The following ITGA9 variants were observed in gnomAD, a reference collection of about 807,000 sequenced individuals.
The protein encoded by ITGA9 is integrin subunit alpha 9.
ITGA9 carries 56 observed loss-of-function variants against 127.8 expected under a neutral mutation model. That is an observed-to-expected ratio of 0.44 (90% CI 0.35 to 0.55). ITGA9 has a LOEUF of 0.55. ITGA9 is among the 20% of genes least tolerant of loss of function. The pLI is 0.00. For missense variants in ITGA9, 1,196 were observed against 1,347.1 expected (o/e 0.89, Z 1.76); for synonymous variants, 508 against 514.5 (o/e 0.99, Z 0.17).
intron 23 of ITGA9, among the ~76,000 whole-genome samples, chr3:37,772,148 G>A (rs1348296427): frequency 2.0e-5 from 3 of 152,118 alleles, no homozygotes; most frequent in Admixed American, 1.3e-4. Context: ...GCTCACACCT[G>A]TAATCTCAAC....
intron 15 of ITGA9, among the ~76,000 whole-genome samples, chr3:37,615,695 G>A (rs1700067323): frequency 6.6e-6 from 1 of 152,136 alleles, no homozygotes; most frequent in African/African-American, 2.4e-5. Flanking sequence ...TTAGTCTTGG[G>A]AGGGTGTATG....
At chr3:37,583,950 A>G (rs1442790690) in intron 15 of ITGA9, among the ~76,000 whole-genome samples, 1 of 152,148 alleles carries the variant, frequency 6.6e-6, no homozygotes, top group Non-Finnish European at 1.5e-5. Context: ...GTCATGTTGG[A>G]CTTGATTCTA....
intron 15 of ITGA9, among the ~76,000 whole-genome samples, chr3:37,609,286 G>A (rs116566384): frequency 1.5e-4 from 23 of 151,986 alleles, no homozygotes; most frequent in Non-Finnish European, 2.2e-4. Context: ...ACCTCACTTT[G>A]TGTCTTTTTA....
intron 5 of ITGA9, among the ~76,000 whole-genome samples, chr3:37,502,825 C>T (rs1300236294): frequency 2.0e-5 from 3 of 152,088 alleles, no homozygotes; most frequent in African/African-American, 7.2e-5. Flanking sequence ...GTGGTGTTCC[C>T]CAGAATCTGT....
At chr3:37,752,088 A>G (rs1436820287) in intron 23 of ITGA9, among the ~76,000 whole-genome samples, 2 of 152,168 alleles carry the variant, frequency 1.3e-5, no homozygotes, top group Non-Finnish European at 1.5e-5. Context: ...GAGTCCCCAG[A>G]TACTTGTTTC....
At chr3:37,557,958 A>T (rs926736654) in intron 15 of ITGA9, among the ~76,000 whole-genome samples, 2 of 152,234 alleles carry the variant, frequency 1.3e-5, no homozygotes, top group Non-Finnish European at 2.9e-5. Context: ...AATGCAAAAG[A>T]TGATGGCTTT....
chr3:37,801,202 C>A (rs1697231621), intron 26 of ITGA9, among the ~76,000 whole-genome samples: 1 of 151,934 alleles, frequency 6.6e-6, no homozygotes, highest in South Asian at 2.1e-4. Flanking sequence ...AGAAATGAAA[C>A]CAGGTACTGT....
intron 18 of ITGA9, among the ~76,000 whole-genome samples, chr3:37,725,166 TGCTTATGTG>T (rs775103037): frequency 1.1e-4 from 16 of 152,228 alleles, no homozygotes; most frequent in Non-Finnish European, 1.8e-4. Context: ...CAGGAGTGCT[TGCTTATGTG>T]GCTTCATTCC....
intron 23 of ITGA9, among the ~76,000 whole-genome samples, chr3:37,759,330 T>C (rs1696695627): frequency 6.6e-6 from 1 of 152,104 alleles, no homozygotes; most frequent in Non-Finnish European, 1.5e-5. Flanking sequence ...ACAGACACTG[T>C]ATATATCATA....
intron 13 of ITGA9, 78 bp from the exon 14 acceptor site, chr3:37,533,236 C>A: frequency 7.8e-7 from 1 of 1,289,454 alleles, no homozygotes; most frequent in Non-Finnish European, 1.1e-6. Context: ...TAGGATTTAT[C>A]CTGTTGGTCT....
intron 10 of ITGA9, 131 bp downstream of exon 10, chr3:37,517,740 C>A: frequency 1.4e-6 from 1 of 728,412 alleles, no homozygotes. Flanking sequence ...CCTTCGAAGG[C>A]CCATCAATGT....
chr3:37,495,868 G>C, intron 5 of ITGA9, among the ~76,000 whole-genome samples: 1 of 152,158 alleles, frequency 6.6e-6, no homozygotes, highest in Non-Finnish European at 1.5e-5. Context: ...ACTAGCCCCA[G>C]GGTCCTTCAA....
intron 23 of ITGA9, among the ~76,000 whole-genome samples, chr3:37,752,911 G>A (rs181923358): frequency 3.2e-4 from 48 of 152,288 alleles, no homozygotes; most frequent in Non-Finnish European, 4.9e-4. Context: ...GCCTTGGCTC[G>A]TGATCTTCTT....
In ITGA9 at chr3:37,506,182, A is replaced by G. The variant is rs1190774776; in HGVS notation, c.828+97A>G. 4.4e-6 allele frequency: 4 copies of G among 906,846 alleles called. No individual in the cohort carries two copies. In the East Asian group the frequency reaches 7.9e-5, roughly 18 times the overall value. The allele number at this position is 906,846 out of a possible 1,614,324, so 56.2% of individuals were successfully genotyped here. A position where few individuals can be genotyped will look rare whatever the true frequency, so the allele number is the denominator to read the frequency against. Reference sequence around the variant, plus strand: ...TTTGCCAGCTGACATTGACCTGAACATTCTACTGGGTGGCTGGTGGGGAGG... The same window carrying G: ...TTTGCCAGCTGACATTGACCTGAACGTTCTACTGGGTGGCTGGTGGGGAGG... On this transcript the variant is annotated intron_variant, in intron 7 of 27. Transcript: ENST00000264741.
rs538969334 is a variant in ITGA9, at chr3:37,517,612, G to C, written c.1141+3G>C. The C allele has an allele frequency of 2.6e-6, 4 of 1,567,884 alleles. No homozygotes were observed. The South Asian group carries it at 4.7e-5, about 18-fold the overall frequency. On this transcript the variant is annotated splice_donor_region_variant and intron_variant, in intron 10 of 27. Coordinates refer to ENST00000264741, the MANE Select transcript of ITGA9 (RefSeq NM_002207.3). ...TCTGGACAATGATGGGTTCCCAGGTGAGTGAGTGCTCCTGGTGCACGGAGC... is the reference window on the plus strand; with the variant it reads ...TCTGGACAATGATGGGTTCCCAGGTCAGTGAGTGCTCCTGGTGCACGGAGC...
chr3:37,769,060 C>T (rs182206586), intron 23 of ITGA9, among the ~76,000 whole-genome samples: 13 of 152,186 alleles, frequency 8.5e-5, no homozygotes, highest in Admixed American at 2.0e-4. Context: ...ACTAATAGGC[C>T]AGGCGTGGTG....
intron 1 of ITGA9, among the ~76,000 whole-genome samples, chr3:37,470,637 G>A (rs1289134164): frequency 6.6e-6 from 1 of 152,072 alleles, no homozygotes; most frequent in East Asian, 1.9e-4. Flanking sequence ...CAGTCTCCTG[G>A]GTAGGTGGGA....
At chr3:37,474,954 G>C (rs1475406687) in intron 3 of ITGA9, among the ~76,000 whole-genome samples, 1 of 152,226 alleles carries the variant, frequency 6.6e-6, no homozygotes, top group Non-Finnish European at 1.5e-5. Flanking sequence ...TCTCCCCCTT[G>C]TCGGGCCCCT....
At chr3:37,540,567 A>C (rs1422225383) in intron 14 of ITGA9, among the ~76,000 whole-genome samples, 1 of 152,190 alleles carries the variant, frequency 6.6e-6, no homozygotes, top group Non-Finnish European at 1.5e-5. Context: ...ATAGCCTGGC[A>C]CCAGAGATTA....
Sources: allele counts gnomAD v4.1 joint callset (sites outside exome capture counted in the v4.1 genomes callset), GRCh38; gene constraint gnomAD v4.1.1; transcripts MANE v1.5; gene names NCBI Gene and HGNC (gene_info 2026-07-23, HGNC 2026-07-21).